Variants in NBEA observed in about 807,000 individuals in gnomAD.
NBEA encodes the protein lysosomal-trafficking regulator 2.
Under a neutral mutation model 343.4 loss-of-function variants are expected in NBEA, and 44 were observed. The ratio of observed to expected loss-of-function variants is 0.13; its 90% CI spans 0.10 to 0.16. NBEA has a LOEUF of 0.16. Among genes scored for constraint, NBEA ranks in the 10% least tolerant of loss-of-function variants. The pLI, the probability that NBEA is intolerant of heterozygous loss-of-function variation, is 1.00. For synonymous variants in NBEA, 1,175 were observed against 1,238.7 expected, an observed-to-expected ratio of 0.95 and a Z score of 1.08; for missense variants, 2,555 against 3,631.3, an observed-to-expected ratio of 0.70 and a Z score of 7.62.
chr13:35,165,950 G>T (rs916103955), intron 24 of NBEA, among the ~76,000 whole-genome samples: 1 of 152,026 alleles, frequency 6.6e-6, no homozygotes, highest in Non-Finnish European at 1.5e-5. Context: ...CTCCCAAAGT[G>T]CAGGGATTAC....
At chr13:35,434,357 A>G (rs2045298825) in intron 39 of NBEA, among the ~76,000 whole-genome samples, 1 of 152,178 alleles carries the variant, frequency 6.6e-6, no homozygotes, top group African/African-American at 2.4e-5. Context: ...TTTAAAATAC[A>G]GTATTTATGA....
At position 34,975,138 on chromosome 13, in the gene NBEA, A is replaced by G. The variant is rs531024736; in HGVS notation, c.294+32024A>G. On this transcript the variant is annotated intron_variant, in intron 1 of 58. Transcript: ENST00000379939. Reference sequence around the variant, plus strand: ...CAAGCCTTTTACTGGTTTTCTTCCTAACAGACATAATTTCTTAAGTTCTGT... The same window carrying G: ...CAAGCCTTTTACTGGTTTTCTTCCTGACAGACATAATTTCTTAAGTTCTGT... Among the ~76,000 whole-genome samples, 5 of 152,310 alleles carry G rather than the reference A, an allele frequency of 3.3e-5. No homozygotes were observed. In the East Asian group the frequency reaches 9.7e-4, roughly 29 times the overall value.
intron 7 of NBEA, among the ~76,000 whole-genome samples, chr13:35,057,938 T>G (rs1329127201): frequency 6.6e-6 from 1 of 152,186 alleles, no homozygotes; most frequent in Non-Finnish European, 1.5e-5. Context: ...GTTACTTTAT[T>G]GCAGTACGAA....
chr13:35,059,286 A>G (rs1300556952), intron 8 of NBEA, among the ~76,000 whole-genome samples: 1 of 151,964 alleles, frequency 6.6e-6, no homozygotes, highest in Non-Finnish European at 1.5e-5. Context: ...AAATTATTCA[A>G]TTTTAGCTTA....
chr13:35,533,768 C>T lies in NBEA; in HGVS notation c.6586-16709C>T, dbSNP rs74630438. On this transcript the variant is annotated intron_variant, in intron 41 of 58. Transcript: ENST00000379939. ...TATATATTTTTATTTATTTACTAAA[C>T]ATGCATATTGGAGAAGCATACACTG... Among the ~76,000 whole-genome samples, 236 of 152,274 alleles carry T rather than the reference C, an allele frequency of 1.5e-3. 2 individuals are homozygous for T. Among genetic ancestry groups the T allele is most frequent in the African/African-American group, 4.8e-3 (198 of 41,570 alleles).
chr13:35,044,124 A>G (rs906397980), intron 2 of NBEA, among the ~76,000 whole-genome samples: 4 of 152,156 alleles, frequency 2.6e-5, no homozygotes, highest in Admixed American at 2.0e-4. Flanking sequence ...TGTGTCTGTT[A>G]TATGCACATA....
chr13:35,510,017 T>C (rs1178163506), intron 41 of NBEA, among the ~76,000 whole-genome samples: 2 of 152,224 alleles, frequency 1.3e-5, no homozygotes, highest in Non-Finnish European at 2.9e-5. Context: ...ATAGATCTGA[T>C]CTGAATATGA....
intron 41 of NBEA, among the ~76,000 whole-genome samples, chr13:35,483,054 CACTG>C (rs1445709715): frequency 6.6e-6 from 1 of 151,782 alleles, no homozygotes; most frequent in Non-Finnish European, 1.5e-5. Context: ...AATCAAAAAA[CACTG>C]ACACAGGCAA....
chr13:35,574,509 G>A (rs2080632676), intron 45 of NBEA, among the ~76,000 whole-genome samples: 1 of 152,064 alleles, frequency 6.6e-6, no homozygotes, highest in African/African-American at 2.4e-5. Context: ...TCAGATATGA[G>A]GAGAGGAGTC....
In NBEA at chr13:35,044,944, A is replaced by G. The variant is rs1333103827; in HGVS notation, c.527-3A>G. 6.2e-7 allele frequency: 1 copy of G among 1,605,682 alleles called. No homozygotes were observed. On this transcript the variant is annotated splice_polypyrimidine_tract_variant and splice_region_variant and intron_variant, in intron 2 of 58. Transcript: ENST00000379939. ...TTCAGAATAACTTTATTTTCCTTTG[A>G]AGATCTTCTAGTTGATATGTTGGGG...
chr13:35,649,863 C>A lies in NBEA; in HGVS notation c.7963+16C>A, dbSNP rs1446608530. 1.2e-6 allele frequency: 2 copies of A among 1,606,556 alleles called. No individual in the cohort carries two copies. Among genetic ancestry groups the A allele is most frequent in the East Asian group, 4.5e-5 (2 of 44,820 alleles). ...AACACAGTAGGTATGTGTGCCTGAGCAAATCACTTACTAAAGATTTCTTAA... is the reference window on the plus strand; with the variant it reads ...AACACAGTAGGTATGTGTGCCTGAGAAAATCACTTACTAAAGATTTCTTAA... On this transcript the variant is annotated intron_variant, in intron 52 of 58. Transcript: ENST00000379939.
intron 1 of NBEA, among the ~76,000 whole-genome samples, chr13:34,966,057 A>G (rs1322704022): frequency 6.6e-6 from 1 of 152,066 alleles, no homozygotes; most frequent in Non-Finnish European, 1.5e-5. Context: ...ATATGAAAAA[A>G]TGTTTATTGG....
intron 36 of NBEA, among the ~76,000 whole-genome samples, chr13:35,340,644 C>CT (rs974173497): frequency 2.0e-5 from 3 of 151,832 alleles, no homozygotes; most frequent in Admixed American, 6.6e-5. Context: ...TACAATTAAA[C>CT]TTTTTTTAAA....
At chr13:35,081,848 A>ATT (rs2064420563) in intron 10 of NBEA, among the ~76,000 whole-genome samples, 1 of 152,122 alleles carries the variant, frequency 6.6e-6, no homozygotes, top group African/African-American at 2.4e-5. Context: ...CATTCATAGA[A>ATT]TGTGTAATGA....
intron 34 of NBEA, among the ~76,000 whole-genome samples, chr13:35,264,463 G>A (rs57322415): frequency 0.046 from 6,916 of 151,794 alleles, 167 homozygotes; most frequent in African/African-American, 0.063. Flanking sequence ...ACTGTAATAC[G>A]ATATCCCTGA....
chr13:34,988,408 C>T (rs892712186), intron 1 of NBEA, among the ~76,000 whole-genome samples: 2 of 151,370 alleles, frequency 1.3e-5, no homozygotes, highest in South Asian at 4.2e-4. Flanking sequence ...GAGGTGGAGA[C>T]TATAGAGGTA....
chr13:35,668,327 ATT>A, intron 57 of NBEA, 39 bp from the exon 58 acceptor site: 1 of 1,533,830 alleles, frequency 6.5e-7, no homozygotes, highest in South Asian at 1.2e-5. Context: ...ATTTTATTTT[ATT>A]TTGTTTTTTT....
chr13:35,177,232 C>T (rs2070967940), intron 28 of NBEA, 129 bp downstream of exon 28: 6 of 633,326 alleles, frequency 9.5e-6, no homozygotes, highest in Non-Finnish European at 1.4e-5. Flanking sequence ...TTATTGCATA[C>T]TTCTCATTAT....
intron 17 of NBEA, among the ~76,000 whole-genome samples, chr13:35,136,830 A>G (rs2067758046): frequency 2.0e-5 from 3 of 152,346 alleles, no homozygotes; most frequent in South Asian, 4.1e-4. Flanking sequence ...TCCCCAGTCA[A>G]TTGAGAGCTG....
Sources: gnomAD v4.1 joint callset for allele counts (sites outside exome capture counted in the v4.1 genomes callset) on GRCh38, gnomAD v4.1.1 for gene constraint, MANE v1.5 for transcripts, NCBI Gene and HGNC (gene_info 2026-07-23, HGNC 2026-07-21) for gene names.